ADCY2: variants seen among roughly 807,000 people sequenced by gnomAD.
ADCY2 encodes adenylate cyclase 2.
ADCY2 carries 31 observed loss-of-function variants against 125.2 expected under a neutral mutation model. That is an observed-to-expected ratio of 0.25 (90% CI 0.19 to 0.33). The LOEUF (loss-of-function observed/expected upper bound fraction) is 0.33. Ranked by LOEUF, ADCY2 falls within the 10% of genes least tolerant of loss-of-function variation. ADCY2 has a pLI of 1.00. For missense variants in ADCY2, 904 were observed against 1,418.2 expected, an observed-to-expected ratio of 0.64 and a Z score of 5.82; for synonymous variants, 512 against 548.4, an observed-to-expected ratio of 0.93 and a Z score of 0.93.
intron 4 of ADCY2, among the ~76,000 whole-genome samples, chr5:7,688,231 T>A (rs1288730680): frequency 3.3e-5 from 5 of 152,004 alleles, no homozygotes; most frequent in African/African-American, 7.2e-5. Flanking sequence ...CCTCTGTTCA[T>A]GTCTGAGGAT....
intron 4 of ADCY2, among the ~76,000 whole-genome samples, chr5:7,634,847 C>T (rs2126667431): frequency 6.6e-6 from 1 of 152,104 alleles, no homozygotes; most frequent in South Asian, 2.1e-4. Context: ...TCCATAATTT[C>T]ATGAGAAGAT....
At chr5:7,632,201 A>G (rs1738335474) in intron 4 of ADCY2, among the ~76,000 whole-genome samples, 1 of 152,190 alleles carries the variant, frequency 6.6e-6, no homozygotes, top group African/African-American at 2.4e-5. Flanking sequence ...AACAGGAGAA[A>G]CACACATCGT....
intron 15 of ADCY2, among the ~76,000 whole-genome samples, chr5:7,748,436 G>A (rs1020363426): frequency 3.3e-5 from 5 of 151,622 alleles, no homozygotes; most frequent in Non-Finnish European, 5.9e-5. Context: ...TGTGGATGAG[G>A]GACCAAGGAC....
chr5:7,785,589 T>C (rs889252030), intron 19 of ADCY2, among the ~76,000 whole-genome samples: 6 of 152,140 alleles, frequency 3.9e-5, no homozygotes, highest in Non-Finnish European at 5.9e-5. Context: ...CCATTTTTCT[T>C]TTCTCACGAC....
rs1455426626 is a variant in ADCY2, at chr5:7,456,217, A to AT, written c.408+41451dup. ...AATAAAAACAGAATAAATAATGTTC[A>AT]TTTTAAAAGTAAAAGTCAGTTTTCT... On this transcript the variant is annotated intron_variant, in intron 2 of 24. Coordinates refer to ENST00000338316, the MANE Select transcript of ADCY2 (RefSeq NM_020546.3). 2.0e-5 allele frequency among the ~76,000 whole-genome samples: 3 copies of AT among 152,198 alleles called. No individual in the cohort carries two copies. In the East Asian group the frequency reaches 5.8e-4, roughly 29 times the overall value.
chr5:7,608,011 A>T (rs1737441329), intron 3 of ADCY2, among the ~76,000 whole-genome samples: 2 of 152,210 alleles, frequency 1.3e-5, no homozygotes, highest in African/African-American at 4.8e-5. Context: ...GCTCTGAAGT[A>T]TGATCCTAGG....
At chr5:7,398,003 A>T (rs76579680) in intron 1 of ADCY2, among the ~76,000 whole-genome samples, 2,136 of 152,286 alleles carry the variant, frequency 0.014, 48 homozygotes, top group African/African-American at 0.049. Flanking sequence ...GCTCAGTCTC[A>T]TGGGCAAGCA....
chr5:7,755,693 T>G (rs1192556463), intron 15 of ADCY2, among the ~76,000 whole-genome samples: 1 of 152,056 alleles, frequency 6.6e-6, no homozygotes. Context: ...TTTGCGCAAG[T>G]TTCCCAGCAG....
chr5:7,687,429 A>T (rs933122451), intron 4 of ADCY2, among the ~76,000 whole-genome samples: 2 of 152,208 alleles, frequency 1.3e-5, no homozygotes, highest in African/African-American at 2.4e-5. Flanking sequence ...GTTTACCACA[A>T]GCAGATCCTA....
chr5:7,805,075 G>A (rs1214097937), intron 22 of ADCY2, among the ~76,000 whole-genome samples: 1 of 152,090 alleles, frequency 6.6e-6, no homozygotes, highest in African/African-American at 2.4e-5. Context: ...CAGCACTTTG[G>A]GAGGCCGAGG....
At chr5:7,410,089 A>T (rs1362888182) in intron 1 of ADCY2, among the ~76,000 whole-genome samples, 1 of 152,170 alleles carries the variant, frequency 6.6e-6, no homozygotes, top group Non-Finnish European at 1.5e-5. Context: ...TACACCTGTG[A>T]CATACCAAAC....
In ADCY2 at chr5:7,709,170, C is replaced by T. The variant is rs1475541973; in HGVS notation, c.1402-41C>T. On this transcript the variant is annotated intron_variant, in intron 9 of 24. Transcript: ENST00000338316. The surrounding 1 kb of genome is among the most constrained non-coding windows in gnomAD (Gnocchi z 4.4). ...GATGCCAAAAGGATCATGTGTGGCC[C>T]TGTGCTGTGCCAGGTGTGATGCTTT... The T allele has an allele frequency of 6.4e-7, 1 of 1,551,962 alleles. No individual in the cohort carries two copies. The highest frequency in any genetic ancestry group is 8.7e-7 in the Non-Finnish European group (1 of 1,148,836).
chr5:7,463,324 G>A (rs748173787), intron 2 of ADCY2, among the ~76,000 whole-genome samples: 2 of 152,142 alleles, frequency 1.3e-5, no homozygotes, highest in Non-Finnish European at 2.9e-5. Flanking sequence ...ACACAGTCAT[G>A]AAGAGGACAA....
intron 1 of ADCY2, among the ~76,000 whole-genome samples, chr5:7,408,849 T>C (rs1739602887): frequency 6.6e-6 from 1 of 151,942 alleles, no homozygotes; most frequent in East Asian, 1.9e-4. Context: ...AACACAGAAA[T>C]ACCATTGGAC....
chr5:7,525,002 TTTA>T (rs1321720653), intron 3 of ADCY2, among the ~76,000 whole-genome samples: 2 of 152,224 alleles, frequency 1.3e-5, no homozygotes, highest in East Asian at 3.9e-4. Context: ...ATTTTATTTA[TTTA>T]TTTATTTATT....
intron 7 of ADCY2, among the ~76,000 whole-genome samples, chr5:7,701,579 G>A (rs6889938): frequency 0.3 from 45,803 of 151,980 alleles, 7,820 homozygotes; most frequent in Non-Finnish European, 0.4. Flanking sequence ...TGTAACCATC[G>A]CCACTGTCAA....
intron 7 of ADCY2, among the ~76,000 whole-genome samples, chr5:7,704,124 T>G (rs1410304754): frequency 6.6e-6 from 1 of 152,146 alleles, no homozygotes; most frequent in African/African-American, 2.4e-5. Context: ...TGCAAGGATG[T>G]GCATTTCCAT....
intron 2 of ADCY2, among the ~76,000 whole-genome samples, chr5:7,446,378 A>T (rs189553460): frequency 1.3e-5 from 2 of 152,174 alleles, no homozygotes; most frequent in African/African-American, 4.8e-5. Context: ...TGTGATATCA[A>T]ATTCTAACTT....
chr5:7,801,008 G>A (rs1176744209), intron 20 of ADCY2: 1 of 152,184 alleles, frequency 6.6e-6, no homozygotes, highest in Admixed American at 6.5e-5. Context: ...CAGATCTTGA[G>A]GCAGTAGTAG....
Sources: gnomAD v4.1 joint callset for allele counts (sites outside exome capture counted in the v4.1 genomes callset) on GRCh38, gnomAD v4.1.1 for gene constraint, Gnocchi (gnomAD v3.1) non-coding constraint, MANE v1.5 for transcripts, NCBI Gene and HGNC (gene_info 2026-07-23, HGNC 2026-07-21) for gene names.